Variants in TTC29 observed in about 807,000 individuals in gnomAD.
The protein encoded by TTC29 is tetratricopeptide repeat domain 29.
In TTC29, 49 loss-of-function variants were observed where a neutral mutation model predicts 58.1. The observed-to-expected ratio is 0.84, with a 90% CI of 0.67 to 1.07. The LOEUF is 1.07. Ranked by LOEUF, TTC29 falls within the 50% of genes least tolerant of loss-of-function variation. TTC29 has a pLI of 0.00. For synonymous variants in TTC29, 209 were observed against 196.8 expected (o/e 1.06, Z -0.52); for missense variants, 582 against 555.6 (o/e 1.05, Z -0.48).
rs1472860204 is a variant in TTC29, at chr4:146,755,944, TTTAAACAGAATCAGACAATG to T, written c.1330+47493_1330+47512del. 2.0e-5 allele frequency among the ~76,000 whole-genome samples: 3 copies of T among 152,134 alleles called. No individual in the cohort carries two copies. In the East Asian group the frequency reaches 5.8e-4, roughly 29 times the overall value. Reference sequence around the variant, plus strand: ...AGGTTACTAAAATTCAACTTTTAGGTTTAAACAGAATCAGACAATGTGATTTTGTTTAAGAAATTCTGTAG... The same window carrying T: ...AGGTTACTAAAATTCAACTTTTAGGTTGATTTTGTTTAAGAAATTCTGTAG... On this transcript the variant is annotated intron_variant, in intron 11 of 12. Coordinates refer to ENST00000325106, the MANE Select transcript of TTC29 (RefSeq NM_031956.4).
intron 11 of TTC29, among the ~76,000 whole-genome samples, chr4:146,733,583 T>G (rs1490947841): frequency 6.6e-6 from 1 of 152,136 alleles, no homozygotes; most frequent in Non-Finnish European, 1.5e-5. Context: ...CTACTTTATG[T>G]TAGTGTGTTG....
At chr4:146,917,617 A>ACATTATATATAATGTATATAATATC (rs1250048875) in intron 4 of TTC29, among the ~76,000 whole-genome samples, 1 of 143,148 alleles carries the variant, frequency 7.0e-6, no homozygotes, top group Non-Finnish European at 1.5e-5. Flanking sequence ...TTTATAATAT[A>ACATTATATATAATGTATATAATATC]TAATTAGATA....
At chr4:146,831,704 C>T (rs1229160960) in intron 9 of TTC29, 1 of 450,202 alleles carries the variant, frequency 2.2e-6, no homozygotes, top group African/African-American at 2.0e-5. Context: ...CTGAATCGAC[C>T]AGGAATTCAA....
chr4:146,851,538 A>C (rs1429701791), intron 8 of TTC29, among the ~76,000 whole-genome samples: 1 of 152,154 alleles, frequency 6.6e-6, no homozygotes, highest in African/African-American at 2.4e-5. Context: ...AAAATCTAGC[A>C]ATCAGCACTT....
chr4:146,887,480 A>G (rs1374318142), intron 6 of TTC29, among the ~76,000 whole-genome samples: 1 of 152,032 alleles, frequency 6.6e-6, no homozygotes, highest in East Asian at 1.9e-4. Context: ...AGAGGGGAAA[A>G]GGGCCTGATA....
At chr4:146,904,712 G>T (rs1043901911) in intron 5 of TTC29, among the ~76,000 whole-genome samples, 15 of 152,076 alleles carry the variant, frequency 9.9e-5, no homozygotes, top group African/African-American at 3.4e-4. Flanking sequence ...TTATCTATTA[G>T]AATTCACTGA....
intron 11 of TTC29, among the ~76,000 whole-genome samples, chr4:146,778,992 A>AG (rs1748350094): frequency 1.5e-5 from 2 of 129,138 alleles, no homozygotes; most frequent in Admixed American, 8.2e-5. Flanking sequence ...AAAAAAAAAA[A>AG]AAAAAAAAAA....
chr4:146,856,712 T>TTA (rs1729881166), intron 8 of TTC29, among the ~76,000 whole-genome samples: 1 of 150,572 alleles, frequency 6.6e-6, no homozygotes, highest in South Asian at 2.1e-4. Flanking sequence ...ATATTATTAA[T>TTA]ATGTAAAAAA....
At chr4:146,849,261 T>C (rs534248966) in intron 8 of TTC29, among the ~76,000 whole-genome samples, 6 of 152,306 alleles carry the variant, frequency 3.9e-5, no homozygotes, top group African/African-American at 1.2e-4. Flanking sequence ...CTGAGAGAAA[T>C]ACAATACAGA....
intron 11 of TTC29, among the ~76,000 whole-genome samples, chr4:146,720,954 G>A (rs990304094): frequency 6.6e-5 from 10 of 152,088 alleles, no homozygotes; most frequent in African/African-American, 2.4e-4. Flanking sequence ...ATAGGTGCTT[G>A]GGTGCAGTTT....
intron 11 of TTC29, among the ~76,000 whole-genome samples, chr4:146,772,040 G>A (rs140078015): frequency 2.0e-5 from 3 of 151,864 alleles, no homozygotes; most frequent in East Asian, 3.9e-4. Flanking sequence ...TGTTGGCTGC[G>A]TGTATGTCTT....
chr4:146,707,946 T>G (rs1742101055), intron 11 of TTC29, among the ~76,000 whole-genome samples: 1 of 152,074 alleles, frequency 6.6e-6, no homozygotes, highest in African/African-American at 2.4e-5. Flanking sequence ...AGTCACCATA[T>G]AAGTCCTCAT....
chr4:146,814,222 T>A (rs960358565), intron 10 of TTC29, among the ~76,000 whole-genome samples: 1 of 152,044 alleles, frequency 6.6e-6, no homozygotes, highest in African/African-American at 2.4e-5. Flanking sequence ...ACAACAATAA[T>A]AAGAAAATAA....
chr4:146,890,161 T>G (rs1732256528), intron 6 of TTC29, among the ~76,000 whole-genome samples: 1 of 152,178 alleles, frequency 6.6e-6, no homozygotes, highest in African/African-American at 2.4e-5. Flanking sequence ...ATTTATGGTC[T>G]CACAGTTCTG....
At chr4:146,730,342 A>T (rs570030464) in intron 11 of TTC29, among the ~76,000 whole-genome samples, 1 of 152,268 alleles carries the variant, frequency 6.6e-6, no homozygotes, top group East Asian at 1.9e-4. Context: ...TCTAAGTCTG[A>T]GGTGTCTATT....
intron 10 of TTC29, among the ~76,000 whole-genome samples, chr4:146,805,830 A>G (rs961908997): frequency 3.3e-5 from 5 of 152,160 alleles, no homozygotes; most frequent in African/African-American, 1.2e-4. Flanking sequence ...ACTATATGGG[A>G]GCACCTCCCC....
chr4:146,777,777 TATCAA>T (rs1261162627), intron 11 of TTC29, among the ~76,000 whole-genome samples: 2 of 152,230 alleles, frequency 1.3e-5, no homozygotes, highest in Non-Finnish European at 2.9e-5. Flanking sequence ...GTCCTTGAGT[TATCAA>T]ATTGGTAGAA....
intron 10 of TTC29, among the ~76,000 whole-genome samples, chr4:146,818,019 A>G (rs1368052098): frequency 6.6e-6 from 1 of 152,206 alleles, no homozygotes; most frequent in Admixed American, 6.5e-5. Context: ...GGACATAGGC[A>G]TGGGCAAGGA....
rs74288664 is a variant in TTC29 at position 146,727,960 on chromosome 4, C to T, written c.1331-20409G>A. On this transcript the variant is annotated intron_variant, in intron 11 of 12. Transcript: ENST00000325106. ...CTTGATAATTCTCTTTTAGTACATA[C>T]GGAGTTGCTTCATTCATTGCTAACT... Among the ~76,000 whole-genome samples the T allele has an allele frequency of 9.8e-3, 1,489 of 152,192 alleles. 67 individuals are homozygous for T. The East Asian group carries it at 0.13, about 13-fold the overall frequency.
Sources: gnomAD v4.1 joint callset for allele counts (sites outside exome capture counted in the v4.1 genomes callset) on GRCh38, gnomAD v4.1.1 for gene constraint, MANE v1.5 for transcripts, NCBI Gene and HGNC (gene_info 2026-07-23, HGNC 2026-07-21) for gene names.